ADAMTSL1: variants seen among roughly 807,000 people sequenced by gnomAD.
ADAMTSL1 encodes the protein ADAMTS like 1.
A neutral mutation model predicts 201.8 loss-of-function variants in ADAMTSL1; 126 were observed. That is an observed-to-expected ratio of 0.62 (90% CI 0.54 to 0.72). The LOEUF is 0.72. Ranked by LOEUF, ADAMTSL1 falls within the 30% of genes least tolerant of loss-of-function variation. The pLI, the probability that ADAMTSL1 is intolerant of heterozygous loss-of-function variation, is 0.00. For synonymous variants in ADAMTSL1, 1,121 were observed against 903.4 expected (o/e 1.24, Z -4.32); for missense variants, 2,679 against 2,277.8 (o/e 1.18, Z -3.59).
chr9:18,485,263 G>A (rs546657495), intron 1 of ADAMTSL1, among the ~76,000 whole-genome samples: 1 of 152,170 alleles, frequency 6.6e-6, no homozygotes, highest in African/African-American at 2.4e-5. Context: ...AAGGTCATTT[G>A]AAAAAGCCAA....
chr9:17,986,289 C>A (rs10963381), intron 1 of ADAMTSL1, among the ~76,000 whole-genome samples: 27 of 151,974 alleles, frequency 1.8e-4, no homozygotes, highest in African/African-American at 5.8e-4. Context: ...CAATGACCAC[C>A]TACTCTCCTT....
intron 2 of ADAMTSL1, among the ~76,000 whole-genome samples, chr9:18,279,486 G>C (rs1832704212): frequency 6.6e-6 from 1 of 151,188 alleles, no homozygotes; most frequent in South Asian, 2.1e-4. Context: ...GTGATCCTCT[G>C]ACCTTGCTTT....
At chr9:17,977,709 G>A (rs139884424) in intron 1 of ADAMTSL1, among the ~76,000 whole-genome samples, 1 of 151,720 alleles carries the variant, frequency 6.6e-6, no homozygotes, top group Non-Finnish European at 1.5e-5. Context: ...CTACCTAAAG[G>A]TCTAACATAC....
At position 18,286,293 on chromosome 9, in the gene ADAMTSL1, A is replaced by G. The variant is rs559314448; in HGVS notation, c.207+122312A>G. On this transcript the variant is annotated intron_variant, in intron 2 of 29. Transcript: ENST00000680146. Reference sequence around the variant, plus strand: ...TAAGCACATTTAAACTTAGAAAAGTAGTACATAAAATGTTCATGAAATACA... The same window carrying G: ...TAAGCACATTTAAACTTAGAAAAGTGGTACATAAAATGTTCATGAAATACA... 4.6e-5 allele frequency among the ~76,000 whole-genome samples: 7 copies of G among 152,360 alleles called. No individual in the cohort carries two copies. In the East Asian group the frequency reaches 1.3e-3, roughly 29 times the overall value.
At chr9:18,398,268 C>T (rs1036244095) in intron 2 of ADAMTSL1, among the ~76,000 whole-genome samples, 1 of 152,084 alleles carries the variant, frequency 6.6e-6, no homozygotes, top group African/African-American at 2.4e-5. Context: ...CCCATAGGTC[C>T]TCCCATTGTG....
chr9:17,938,902 A>G (rs924875373), intron 1 of ADAMTSL1, among the ~76,000 whole-genome samples: 1 of 152,140 alleles, frequency 6.6e-6, no homozygotes, highest in African/African-American at 2.4e-5. Flanking sequence ...AGCTGGACAT[A>G]GAGAAAACCC....
At chr9:18,337,183 G>A (rs888111850) in intron 2 of ADAMTSL1, among the ~76,000 whole-genome samples, 1 of 152,114 alleles carries the variant, frequency 6.6e-6, no homozygotes, top group Admixed American at 6.6e-5. Flanking sequence ...GCAGGCTGAA[G>A]AACGTGGAAG....
intron 23 of ADAMTSL1, among the ~76,000 whole-genome samples, chr9:18,838,614 G>A (rs1825489519): frequency 6.6e-6 from 1 of 152,070 alleles, no homozygotes; most frequent in Non-Finnish European, 1.5e-5. Context: ...ATTGCTTGAG[G>A]TCAAGCATTT....
chr9:18,885,475 C>CTGAT (rs2131528091), intron 23 of ADAMTSL1, among the ~76,000 whole-genome samples: 1 of 152,244 alleles, frequency 6.6e-6, no homozygotes, highest in East Asian at 1.9e-4. Context: ...TTTTTCTTTT[C>CTGAT]TGATTGTTAT....
At chr9:18,392,028 GTTAGCCAGGA>G (rs1220689628) in intron 2 of ADAMTSL1, among the ~76,000 whole-genome samples, 45 of 151,952 alleles carry the variant, frequency 3.0e-4, no homozygotes, top group African/African-American at 1.0e-3. Context: ...GTTTCACCAT[GTTAGCCAGGA>G]TGGTCTCGAT....
intron 1 of ADAMTSL1, among the ~76,000 whole-genome samples, chr9:18,124,222 A>G (rs1316558500): frequency 6.6e-6 from 1 of 150,840 alleles, no homozygotes; most frequent in Non-Finnish European, 1.5e-5. Context: ...AGCTGGGATT[A>G]CAGGTGTGCA....
At chr9:18,634,783 G>C (rs1327847247) in intron 5 of ADAMTSL1, among the ~76,000 whole-genome samples, 3 of 136,524 alleles carry the variant, frequency 2.2e-5, no homozygotes, top group African/African-American at 8.2e-5. Context: ...GGTTGCAGTT[G>C]AGCCAAGATC....
intron 14 of ADAMTSL1, among the ~76,000 whole-genome samples, chr9:18,713,468 A>G (rs1325593256): frequency 6.6e-6 from 1 of 152,162 alleles, no homozygotes; most frequent in Admixed American, 6.5e-5. Context: ...GATAAAACAG[A>G]CTTTAAACCA....
intron 1 of ADAMTSL1, among the ~76,000 whole-genome samples, chr9:18,053,087 A>G (rs753185947): frequency 6.6e-6 from 1 of 152,222 alleles, no homozygotes; most frequent in African/African-American, 2.4e-5. Context: ...AGCTAAAGGA[A>G]CACACCAAGT....
intron 15 of ADAMTSL1, among the ~76,000 whole-genome samples, chr9:18,743,664 C>G (rs1293958023): frequency 6.6e-6 from 1 of 152,138 alleles, no homozygotes; most frequent in East Asian, 1.9e-4. Flanking sequence ...GCTGTATCTA[C>G]TATTTCCTGA....
At chr9:18,036,959 C>T (rs963785188) in intron 1 of ADAMTSL1, among the ~76,000 whole-genome samples, 1 of 152,192 alleles carries the variant, frequency 6.6e-6, no homozygotes, top group South Asian at 2.1e-4. Flanking sequence ...TCTAACCAAT[C>T]TGTGCTTTCT....
chr9:18,143,503 G>GT (rs35152809), intron 1 of ADAMTSL1, among the ~76,000 whole-genome samples: 112,739 of 151,514 alleles, frequency 0.74, 43,346 homozygotes, highest in Non-Finnish European at 0.85. Context: ...GTGCTTTTGT[G>GT]TTTTTTTTAA....
At chr9:18,671,016 T>C (rs1347239953) in intron 9 of ADAMTSL1, among the ~76,000 whole-genome samples, 1 of 152,230 alleles carries the variant, frequency 6.6e-6, no homozygotes, top group East Asian at 1.9e-4. Flanking sequence ...AAAATGTAAA[T>C]GCTATGTAAA....
intron 2 of ADAMTSL1, among the ~76,000 whole-genome samples, chr9:18,300,273 A>G (rs56341301): frequency 0.03 from 4,538 of 152,278 alleles, 247 homozygotes; most frequent in African/African-American, 0.1. Flanking sequence ...ATGGAATACT[A>G]TGGAGCCATA....
Sources: gnomAD v4.1 joint callset for allele counts (sites outside exome capture counted in the v4.1 genomes callset) on GRCh38, gnomAD v4.1.1 for gene constraint, MANE v1.5 for transcripts, NCBI Gene and HGNC (gene_info 2026-07-23, HGNC 2026-07-21) for gene names.